Variants in SLCO1B3 observed in about 807,000 individuals in gnomAD.
SLCO1B3 encodes solute carrier organic anion transporter family member 1B3.
A neutral mutation model predicts 71.8 loss-of-function variants in SLCO1B3; 72 were observed. The observed-to-expected ratio is 1.00, with a 90% CI of 0.83 to 1.22. SLCO1B3 has a LOEUF of 1.22. Among genes scored for constraint, SLCO1B3 ranks in the 50% most tolerant of loss-of-function variants. The pLI is 0.00. For synonymous variants in SLCO1B3, 298 were observed against 278.4 expected (o/e 1.07, Z -0.70); for missense variants, 911 against 819.7 (o/e 1.11, Z -1.36).
At chr12:20,851,021 C>T (rs2121208620) in intron 3 of SLCO1B3, among the ~76,000 whole-genome samples, 1 of 152,258 alleles carries the variant, frequency 6.6e-6, no homozygotes, top group South Asian at 2.1e-4. Context: ...GATGATATCT[C>T]ATTGTGGTTT....
chr12:20,836,454 T>C (rs1183364376), intron 3 of SLCO1B3, among the ~76,000 whole-genome samples: 2 of 152,140 alleles, frequency 1.3e-5, no homozygotes, highest in African/African-American at 4.8e-5. Context: ...TTGGTCTACA[T>C]TTTTTTGTTA....
At chr12:20,814,981 C>CTT (rs71039997) in intron 2 of SLCO1B3, among the ~76,000 whole-genome samples, 63 of 89,278 alleles carry the variant, frequency 7.1e-4, no homozygotes, top group South Asian at 2.0e-3. Flanking sequence ...CTTTTCTTTT[C>CTT]TTTTTTTTTT....
chr12:20,899,307 A>T (rs1866080893), intron 14 of SLCO1B3, among the ~76,000 whole-genome samples: 1 of 152,162 alleles, frequency 6.6e-6, no homozygotes, highest in African/African-American at 2.4e-5. Context: ...TTATGTGCTT[A>T]TTCCTGGGAA....
At chr12:20,844,800 T>G (rs891478068) in intron 3 of SLCO1B3, among the ~76,000 whole-genome samples, 2 of 151,836 alleles carry the variant, frequency 1.3e-5, no homozygotes, top group Middle Eastern at 3.2e-3. Context: ...GAGGCCAAGG[T>G]GGGCGAATCA....
At chr12:20,898,247 T>G (rs574514829) in intron 13 of SLCO1B3, among the ~76,000 whole-genome samples, 189 bp from the exon 14 acceptor site, 8 of 152,048 alleles carry the variant, frequency 5.3e-5, no homozygotes, top group Admixed American at 4.6e-4. Flanking sequence ...AATAAAGAAA[T>G]TATTATTATT....
intron 2 of SLCO1B3, among the ~76,000 whole-genome samples, chr12:20,814,812 G>A (rs894873268): frequency 6.6e-6 from 1 of 151,746 alleles, no homozygotes; most frequent in South Asian, 2.1e-4. Flanking sequence ...CAGGAGAATG[G>A]CGTGAACCTG....
intron 13 of SLCO1B3, among the ~76,000 whole-genome samples, chr12:20,895,045 T>A (rs1402106435): frequency 6.6e-6 from 1 of 152,136 alleles, no homozygotes; most frequent in Non-Finnish European, 1.5e-5. Context: ...CTCATGAGAC[T>A]TATTCACTAT....
chr12:20,898,373 G>A (rs2120365888), intron 13 of SLCO1B3, 63 bp from the exon 14 acceptor site: 2 of 993,312 alleles, frequency 2.0e-6, no homozygotes, highest in Non-Finnish European at 3.2e-6. Flanking sequence ...TAAATGTTTT[G>A]ATATTAACTC....
chr12:20,855,069 A>G lies in SLCO1B3; in HGVS notation c.126A>G (p.Ala42=). The part of the protein sequence containing the change: ...AALSFSYIAK[A]LGGIIMKISI... ...TGTCATTCAGCTATATTGCTAAAGC[A>G]CTAGGTGGAATCATTATGAAAATTT... is the stretch of plus-strand genomic sequence containing the variant. The change falls in exon 4 of 16, where the codon GCA becomes GCG. Residue 42 remains alanine, a synonymous_variant. Transcript: ENST00000381545. The G allele has an allele frequency of 6.2e-7, 1 of 1,612,226 alleles. No homozygotes were observed.
At chr12:20,905,339 G>A (rs907017923) in intron 15 of SLCO1B3, among the ~76,000 whole-genome samples, 3 of 152,122 alleles carry the variant, frequency 2.0e-5, no homozygotes, top group Non-Finnish European at 4.4e-5. Context: ...ATTAACATTT[G>A]GATCCTCTTT....
At chr12:20,901,524 C>T (rs1866134402) in intron 15 of SLCO1B3, 57 bp downstream of exon 15, 1 of 864,372 alleles carries the variant, frequency 1.2e-6, no homozygotes, top group Non-Finnish European at 1.8e-6. Flanking sequence ...ATGTTAATGT[C>T]TAAGATATAG....
At chr12:20,887,987 T>C (rs1447471873) in intron 13 of SLCO1B3, among the ~76,000 whole-genome samples, 1 of 152,034 alleles carries the variant, frequency 6.6e-6, no homozygotes, top group Non-Finnish European at 1.5e-5. Flanking sequence ...AGGGTGTCCT[T>C]TCCTCACTGT....
At chr12:20,812,655 T>C (rs1234686391) in intron 1 of SLCO1B3, among the ~76,000 whole-genome samples, 1 of 152,168 alleles carries the variant, frequency 6.6e-6, no homozygotes, top group African/African-American at 2.4e-5. Flanking sequence ...TTTATTTTTG[T>C]TGTAAGAGGG....
intron 8 of SLCO1B3, among the ~76,000 whole-genome samples, chr12:20,869,285 C>T (rs111523827): frequency 7.2e-5 from 11 of 152,310 alleles, no homozygotes; most frequent in African/African-American, 2.4e-4. Flanking sequence ...TTCTGGTGGC[C>T]CTGTGTGGGC....
rs544750884 is a variant in SLCO1B3 at position 20,890,107 on chromosome 12, C to T, written c.1682+6505C>T. On this transcript the variant is annotated intron_variant, in intron 13 of 15. Transcript: ENST00000381545. ...TAATTTTTTTTATTTGTAATAGAGA[C>T]GGGGTTTCACCATGTTGGCCAGGCT... Among the ~76,000 whole-genome samples, 31 of 151,616 alleles carry T rather than the reference C, an allele frequency of 2.0e-4. No individual in the cohort carries two copies. The East Asian group carries it at 2.1e-3, about 10-fold the overall frequency.
chr12:20,856,480 G>A (rs970239194), intron 4 of SLCO1B3, among the ~76,000 whole-genome samples: 1 of 152,180 alleles, frequency 6.6e-6, no homozygotes, highest in Non-Finnish European at 1.5e-5. Context: ...CATTGTATTA[G>A]AAGTATTAGA....
chr12:20,879,277 C>T (rs546387992), intron 10 of SLCO1B3, among the ~76,000 whole-genome samples, 159 bp from the exon 11 acceptor site: 12 of 133,446 alleles, frequency 9.0e-5, no homozygotes, highest in East Asian at 4.4e-4. Context: ...GGCGCGATCT[C>T]GGCTCACTGC....
intron 13 of SLCO1B3, among the ~76,000 whole-genome samples, chr12:20,886,380 ATCT>A (rs757859165): frequency 6.6e-6 from 1 of 152,010 alleles, no homozygotes; most frequent in Non-Finnish European, 1.5e-5. Flanking sequence ...CCACATTGAG[ATCT>A]TCTAGGGACT....
At chr12:20,907,480 C>CCTTCCCCTTCCCCTTCCT (rs1866273387) in intron 15 of SLCO1B3, among the ~76,000 whole-genome samples, 3 of 139,848 alleles carry the variant, frequency 2.1e-5, no homozygotes, top group Non-Finnish European at 4.7e-5. Context: ...TTCCCCTTCC[C>CCTTCCCCTTCCCCTTCCT]CTTCCTCTTC....
Sources: allele counts gnomAD v4.1 joint callset (sites outside exome capture counted in the v4.1 genomes callset), GRCh38; gene constraint gnomAD v4.1.1; transcripts MANE v1.5; gene names NCBI Gene and HGNC (gene_info 2026-07-23, HGNC 2026-07-21).